Variants in PARP3 observed in about 807,000 individuals in gnomAD.
The protein encoded by PARP3 is protein mono-ADP-ribosyltransferase PARP3.
In PARP3, 46 loss-of-function variants were observed where a neutral mutation model predicts 58.2. The observed-to-expected ratio is 0.79, with a 90% confidence interval of 0.62 to 1.01. The LOEUF is 1.01. Ranked by LOEUF, PARP3 falls within the 50% of genes least tolerant of loss-of-function variation. The probability of loss-of-function intolerance (pLI) is 0.00; values close to 1 mark genes in which losing one functional copy is unlikely to be tolerated. For synonymous variants in PARP3, 252 were observed against 266.4 expected (o/e 0.95, Z 0.53); for missense variants, 663 against 683.9 (o/e 0.97, Z 0.34).
Position 51,945,095 on chromosome 3 carries a change from G to C in PARP3, c.732G>C (p.Thr244=). 6.2e-7 allele frequency: 1 copy of C among 1,614,136 alleles called. No homozygotes were observed. The highest frequency in any genetic ancestry group is 8.5e-7 in the Non-Finnish European group (1 of 1,180,008). The change falls in exon 6 of 11, where the codon ACG becomes ACC. Residue 244 remains threonine, a synonymous_variant. Transcript: ENST00000398755. The part of the protein sequence containing the change: ...EALEEALKGP[T]DGGQSLEELS... Reference sequence around the variant, plus strand: ...TGGAGGAGGCCCTGAAAGGCCCCACGGATGGTGGCCAAAGCCTGGAGGAGC... The same window carrying C: ...TGGAGGAGGCCCTGAAAGGCCCCACCGATGGTGGCCAAAGCCTGGAGGAGC...
chr3:51,942,946 G>T (rs1002292665), intron 1 of PARP3: 3 of 1,411,374 alleles, frequency 2.1e-6, no homozygotes, highest in African/African-American at 2.9e-5. Flanking sequence ...GACTCGGCCC[G>T]GCAACCATGC....
In PARP3 at chr3:51,943,444, G is replaced by C. The variant is rs377163298; in HGVS notation, c.89G>C (p.Arg30Pro). Residue 30 changes from arginine to proline, a missense_variant, in exon 2 of 11, where the codon CGC becomes CCC. By Grantham distance (103) the Arg-to-Pro change is moderately radical. Transcript: ENST00000398755. The part of the protein sequence containing the change: ...RQAGREEDPF[R>P]STAEALKAIP... ...GCAGGAAGGGAGGAGGACCCCTTCC[G>C]CTCCACCGCTGAGGCCCTCAAGGCC... 4 of 1,607,614 alleles carry C rather than the reference G, an allele frequency of 2.5e-6. No homozygotes were observed. The highest frequency in any genetic ancestry group is 3.4e-6 in the Non-Finnish European group (4 of 1,177,620).
At chr3:51,943,226 C>G in intron 1 of PARP3, 128 bp from the exon 2 acceptor site, 1 of 1,081,800 alleles carries the variant, frequency 9.2e-7, no homozygotes, top group Non-Finnish European at 1.3e-6. Context: ...GGGAGGCCAC[C>G]GAAGGGCCAA....
At chr3:51,945,721 A>G in intron 7 of PARP3, 77 bp downstream of exon 7, 1 of 1,559,422 alleles carries the variant, frequency 6.4e-7, no homozygotes, top group Non-Finnish European at 8.8e-7. Flanking sequence ...AGGTGCCCAG[A>G]GGAATACTCG....
rs564581445 is a variant in PARP3, at chr3:51,946,915, G to C, written c.1276+572G>C. 1.3e-5 allele frequency among the ~76,000 whole-genome samples: 2 copies of C among 152,182 alleles called. No homozygotes were observed. Among genetic ancestry groups the C allele is most frequent in the East Asian group, 3.9e-4 (2 of 5,184 alleles). ...GGTGGGCTAGGGGCCCAGAACGATC[G>C]AGGAGGCTTTATCCAGAGAGTGATG... On this transcript the variant is annotated intron_variant, in intron 9 of 10. Transcript: ENST00000398755. The surrounding 1 kb of genome is among the most constrained non-coding windows in gnomAD (Gnocchi z 4.6).
In PARP3 at chr3:51,944,169, C is replaced by T; in HGVS notation, c.264C>T (p.Leu88=). 1 of 1,614,056 alleles carries T rather than the reference C, an allele frequency of 6.2e-7. No homozygotes were observed. The highest frequency in any genetic ancestry group is 8.5e-7 in the Non-Finnish European group (1 of 1,179,998). ...NNNKFYIIQL[L]QDSNRFFTCW... ...ACAAGTTCTACATCATCCAGCTGCT[C>T]CAAGACAGCAACCGCTTCTTCACCT... is the stretch of plus-strand genomic sequence containing the variant. Residue 88 remains leucine (L), a synonymous_variant, in exon 3 of 11, where the codon CTC becomes CTT. Transcript: ENST00000398755. The surrounding 1 kb of genome is among the most constrained non-coding windows in gnomAD (Gnocchi z 4.2).
rs1699569584 is a variant in PARP3, at chr3:51,942,561, C to T, written c.-150C>T. 2.8e-6 allele frequency: 2 copies of T among 725,340 alleles called. No individual in the cohort carries two copies. The highest frequency in any genetic ancestry group is 4.0e-5 in the Admixed American group (2 of 49,922). 44.9% of individuals were successfully genotyped at this position (725,340 alleles called of 1,614,324 possible). A position where few individuals can be genotyped will look rare whatever the true frequency, so the allele number is the denominator to read the frequency against. On this transcript the variant is annotated 5_prime_UTR_variant, in exon 1 of 11. Transcript: ENST00000398755. ...TGTCTAATCCCCCACACAAGCTCAT[C>T]CCCGGCCTCTGGCGATTGTTGGGAA...
In PARP3 at chr3:51,944,391, G is replaced by T; in HGVS notation, c.314G>T (p.Gly105Val). Residue 105 changes from glycine (G) to valine (V), a missense_variant and splice_region_variant, in exon 4 of 11, where the codon GGA (glycine) becomes GTA (valine). Around this residue, in one of 3 missense-constraint regions of PARP3, gnomAD observed 567 missense variants for 553.6 expected, o/e 1.02. Transcript: ENST00000398755. The surrounding 1 kb of genome is among the most constrained non-coding windows in gnomAD (Gnocchi z 4.2). ...FTCWNRWGRVGEVGQSKINHF... is the reference protein window; with the variant it reads ...FTCWNRWGRVVEVGQSKINHF... Reference sequence around the variant, plus strand: ...ACCCCTGAAGGCTGTCGGTTGCAGGGAGAGGTCGGCCAGTCAAAGATCAAC... The same window carrying T: ...ACCCCTGAAGGCTGTCGGTTGCAGGTAGAGGTCGGCCAGTCAAAGATCAAC... The T allele has an allele frequency of 6.2e-7, 1 of 1,613,770 alleles. No homozygotes were observed. The highest frequency in any genetic ancestry group is 8.5e-7 in the Non-Finnish European group (1 of 1,180,028).
Position 51,944,494 on chromosome 3 carries a change from G to A in PARP3, c.417G>A (p.Glu139=). 1 of 1,614,212 alleles carries A rather than the reference G, an allele frequency of 6.2e-7. No homozygotes were observed. The highest frequency in any genetic ancestry group is 8.5e-7 in the Non-Finnish European group (1 of 1,180,056). Residue 139 remains glutamate, a synonymous_variant, in exon 4 of 11, where the codon GAG becomes GAA. Transcript: ENST00000398755. The surrounding 1 kb of genome is among the most constrained non-coding windows in gnomAD (Gnocchi z 4.2). The stretch of plus-strand genomic sequence containing the variant: ...AAAAGACCAAGAACAACTGGGCAGA[G>A]CGGGACCACTTTGTGTCTCACCCGG... ...FREKTKNNWA[E]RDHFVSHPGK... is the part of the protein sequence containing the mutation.
intron 10 of PARP3, 61 bp downstream of exon 10, chr3:51,947,956 C>T: frequency 6.6e-7 from 1 of 1,520,396 alleles, no homozygotes; most frequent in South Asian, 1.1e-5. Flanking sequence ...GGGGCTGGGA[C>T]ATTTTCAGGG....
At chr3:51,947,972 G>C (rs1252767852) in intron 10 of PARP3, 77 bp downstream of exon 10, 2 of 1,368,080 alleles carry the variant, frequency 1.5e-6, no homozygotes, top group African/African-American at 1.4e-5. Context: ...CAGGGAGGGG[G>C]CTGTGAAGAG....
chr3:51,947,692 G>T (rs772553355), intron 9 of PARP3, 48 bp from the exon 10 acceptor site: 2 of 1,608,260 alleles, frequency 1.2e-6, no homozygotes, highest in East Asian at 4.5e-5. Flanking sequence ...CCACAGGTCA[G>T]CAGGAGGCAG....
rs1046550278 is a variant in PARP3, at chr3:51,944,930, C to A, written c.634+20C>A. ...ACCTGGGTGAGGGGTGAGAGGCAGG[C>A]AGGGTGGCAGGGGCCTCAGGGTGGC... On this transcript the variant is annotated intron_variant, in intron 5 of 10. Transcript: ENST00000398755. This position sits in a 1 kb window ranked among gnomAD's most constrained non-coding sequence, Gnocchi z 4.2. 6.2e-7 allele frequency: 1 copy of A among 1,613,346 alleles called. No homozygotes were observed. Among genetic ancestry groups the A allele is most frequent in the Non-Finnish European group, 8.5e-7 (1 of 1,179,734 alleles).
At chr3:51,948,239 G>A in intron 10 of PARP3, 72 bp from the exon 11 acceptor site, 1 of 1,430,954 alleles carries the variant, frequency 7.0e-7, no homozygotes, top group Non-Finnish European at 9.6e-7. Context: ...GAGAGCATAG[G>A]GGGCAGGACT....
intron 1 of PARP3, 200 bp downstream of exon 1, chr3:51,942,908 C>A: frequency 7.0e-7 from 1 of 1,419,658 alleles, no homozygotes; most frequent in Admixed American, 3.1e-5. Flanking sequence ...CCCCAGGATC[C>A]TCTGCCCACC....
Position 51,944,994 on chromosome 3 carries a change from CT to C in PARP3, c.635-3del. Reference sequence around the variant, plus strand: ...TGAGTCTCCCCACTCCCCTGTCCCCCTAGATGTGAAGAAGATGCCCCTGGGA... The same window carrying C: ...TGAGTCTCCCCACTCCCCTGTCCCCCAGATGTGAAGAAGATGCCCCTGGGA... On this transcript the variant is annotated splice_region_variant and splice_polypyrimidine_tract_variant and intron_variant, in intron 5 of 10. Coordinates refer to ENST00000398755, the MANE Select transcript of PARP3 (RefSeq NM_001003931.4). This position sits in a 1 kb window ranked among gnomAD's most constrained non-coding sequence, Gnocchi z 4.2. 1 of 1,613,718 alleles carries C rather than the reference CT, an allele frequency of 6.2e-7. No homozygotes were observed. The highest frequency in any genetic ancestry group is 8.5e-7 in the Non-Finnish European group (1 of 1,179,946).
At position 51,946,168 on chromosome 3, in the gene PARP3, A is replaced by G. The variant is rs1299216630; in HGVS notation, c.1101A>G (p.Glu367=). 6.3e-7 allele frequency: 1 copy of G among 1,593,472 alleles called. No individual in the cohort carries two copies. Among genetic ancestry groups the G allele is most frequent in the East Asian group, 2.2e-5 (1 of 44,654 alleles). ...HIWKVNQEGE[E]DRFQAHSKLG... ...TTTCTCACTTCCTCTCCACTCAGGA[A>G]GACAGATTCCAGGCCCACTCCAAAC... Residue 367 remains glutamate (E), a splice_region_variant and synonymous_variant, in exon 9 of 11, where the codon GAA becomes GAG. Transcript: ENST00000398755. The surrounding 1 kb of genome is among the most constrained non-coding windows in gnomAD (Gnocchi z 4.6).
At position 51,948,742 on chromosome 3, in the gene PARP3, A is replaced by G. The variant is rs1294056072; in HGVS notation, c.*262A>G. 4.4e-6 allele frequency: 2 copies of G among 449,778 alleles called. No homozygotes were observed. The highest frequency in any genetic ancestry group is 4.0e-5 in the Admixed American group (1 of 25,018). The allele number at this position is 449,778 out of a possible 1,614,324, so 27.9% of individuals were successfully genotyped here. A position where few individuals can be genotyped will look rare whatever the true frequency, so the allele number is the denominator to read the frequency against. On this transcript the variant is annotated 3_prime_UTR_variant, in exon 11 of 11. Transcript: ENST00000398755. ...CTTTACTTGTATAAGGGCAGCTTTTATAGGTTCCACATGTAAGTGAGATCA... is the reference window on the plus strand; with the variant it reads ...CTTTACTTGTATAAGGGCAGCTTTTGTAGGTTCCACATGTAAGTGAGATCA...
Position 51,944,247 on chromosome 3 carries a change from C to G in PARP3, c.312+30C>G. The G allele has an allele frequency of 6.2e-7, 1 of 1,613,214 alleles. No individual in the cohort carries two copies. The highest frequency in any genetic ancestry group is 8.5e-7 in the Non-Finnish European group (1 of 1,179,564). ...GTGCCCTGCCTGCTCTGCACATACT[C>G]CCCAGGGTCCTCAAAAGGCCACAGC... On this transcript the variant is annotated intron_variant, in intron 3 of 10. Transcript: ENST00000398755. The surrounding 1 kb of genome is among the most constrained non-coding windows in gnomAD (Gnocchi z 4.2).
Sources: allele counts gnomAD v4.1 joint callset (sites outside exome capture counted in the v4.1 genomes callset), GRCh38; gene constraint gnomAD v4.1.1; regional missense constraint gnomAD v4.1.1; non-coding constraint Gnocchi (gnomAD v3.1); transcripts MANE v1.5; gene names NCBI Gene and HGNC (gene_info 2026-07-23, HGNC 2026-07-21).